The following CAST variants were observed in gnomAD, a reference collection of about 807,000 sequenced individuals.
CAST encodes the protein calpastatin.
A neutral mutation model predicts 119.6 loss-of-function variants in CAST; 76 were observed. The observed-to-expected ratio is 0.64, with a 90% CI of 0.53 to 0.77. CAST has a LOEUF of 0.77. Among genes scored for constraint, CAST ranks in the 30% least tolerant of loss-of-function variants. The pLI, the probability that CAST is intolerant of heterozygous loss-of-function variation, is 0.00. For synonymous variants in CAST, 319 were observed against 331.6 expected (o/e 0.96, Z 0.41); for missense variants, 953 against 946.5 (o/e 1.01, Z -0.09).
chr5:96,636,314 A>G (rs1305134546), intron 1 of CAST, among the ~76,000 whole-genome samples: 1 of 152,198 alleles, frequency 6.6e-6, no homozygotes, highest in African/African-American at 2.4e-5. Flanking sequence ...CACTCGAGGG[A>G]TGGACTCATT....
At chr5:96,564,860 G>A (rs368962346) in intron 1 of CAST, among the ~76,000 whole-genome samples, 246 of 152,284 alleles carry the variant, frequency 1.6e-3, no homozygotes, top group African/African-American at 5.7e-3. Flanking sequence ...AGTGAGCTGT[G>A]ATTGTGCCAC....
chr5:96,009,274 G>A, the CAST span, among the ~76,000 whole-genome samples: 11 of 152,276 alleles, frequency 7.2e-5, no homozygotes, highest in Middle Eastern at 6.8e-3. Flanking sequence ...ATGAACATAA[G>A]AGTGATTGTA....
chr5:96,370,350 A>T, the CAST span, among the ~76,000 whole-genome samples: 1 of 152,084 alleles, frequency 6.6e-6, no homozygotes, highest in South Asian at 2.1e-4. Context: ...TTCTAGGAGT[A>T]AGAGAGACAA....
the CAST span, among the ~76,000 whole-genome samples, chr5:96,366,299 A>G: frequency 6.6e-6 from 1 of 152,136 alleles, no homozygotes; most frequent in Admixed American, 6.5e-5. Flanking sequence ...TCTGACGATT[A>G]TATGTCTTGG....
the CAST span, among the ~76,000 whole-genome samples, chr5:96,249,146 A>G: frequency 6.6e-6 from 1 of 152,262 alleles, no homozygotes; most frequent in African/African-American, 2.4e-5. Context: ...ATAAAATTAC[A>G]TTGAACATGA....
the CAST span, chr5:96,410,941 C>T: frequency 9.9e-6 from 16 of 1,613,914 alleles, no homozygotes; most frequent in African/African-American, 1.3e-5. Flanking sequence ...TGACGCCCCC[C>T]GTTTCCCGAA....
At chr5:96,765,166 GC>G (rs1769406971) in intron 25 of CAST, 54 bp from the exon 26 acceptor site, 2 of 991,644 alleles carry the variant, frequency 2.0e-6, no homozygotes, top group African/African-American at 3.3e-5. Context: ...GGGCTAATTT[GC>G]CTCTGATACA....
chr5:96,561,364 G>A (rs371881021), intron 1 of CAST, among the ~76,000 whole-genome samples: 3 of 149,866 alleles, frequency 2.0e-5, no homozygotes, highest in Non-Finnish European at 4.4e-5. Flanking sequence ...ATAAAAAAAA[G>A]AAAAAAAGGA....
At chr5:95,990,092 T>G in the CAST span, among the ~76,000 whole-genome samples, 647 of 152,266 alleles carry the variant, frequency 4.2e-3, no homozygotes, top group Middle Eastern at 0.01. Flanking sequence ...TTCTAGAGCA[T>G]TCATGTTAAA....
the CAST span, among the ~76,000 whole-genome samples, chr5:96,255,040 T>C: frequency 6.6e-6 from 1 of 152,132 alleles, no homozygotes; most frequent in Non-Finnish European, 1.5e-5. Flanking sequence ...GTTGCAAGCA[T>C]CAAATGATTA....
the CAST span, among the ~76,000 whole-genome samples, chr5:96,218,223 A>G: frequency 2.0e-5 from 3 of 152,282 alleles, no homozygotes; most frequent in Non-Finnish European, 4.4e-5. Context: ...TAAATGCAGT[A>G]TATGTGGTTG....
chr5:96,618,889 G>A (rs892181160), intron 1 of CAST, among the ~76,000 whole-genome samples: 16 of 152,328 alleles, frequency 1.1e-4, no homozygotes, highest in East Asian at 7.7e-4. Flanking sequence ...CCGCAGCCCC[G>A]GCACAGGATC....
the CAST span, among the ~76,000 whole-genome samples, chr5:96,194,094 A>T: frequency 6.6e-6 from 1 of 152,340 alleles, no homozygotes; most frequent in African/African-American, 2.4e-5. Context: ...CATACCTAAA[A>T]GAAAGCATGC....
chr5:96,403,625 A>ATAC, the CAST span, among the ~76,000 whole-genome samples: 4 of 152,234 alleles, frequency 2.6e-5, no homozygotes, highest in African/African-American at 9.6e-5. Context: ...TGTTTACAGA[A>ATAC]AATAAGGGTA....
At chr5:96,542,672 G>C (rs1580817018) in intron 1 of CAST, among the ~76,000 whole-genome samples, 1 of 23,174 alleles carries the variant, frequency 4.3e-5, no homozygotes, top group Non-Finnish European at 9.8e-5. Flanking sequence ...TAATTTTTAA[G>C]AGTTATTTAT....
chr5:96,176,797 G>A, the CAST span, among the ~76,000 whole-genome samples: 1 of 152,116 alleles, frequency 6.6e-6, no homozygotes. Context: ...AATTAGTAGA[G>A]CAGTAAATTG....
the CAST span, among the ~76,000 whole-genome samples, chr5:96,040,422 G>T: frequency 5.9e-5 from 9 of 152,278 alleles, 1 homozygote; most frequent in Middle Eastern, 3.4e-3. Flanking sequence ...GAATAGGAGT[G>T]GTGAGAGAGG....
chr5:96,484,194 A>G, the CAST span, among the ~76,000 whole-genome samples: 1 of 152,086 alleles, frequency 6.6e-6, no homozygotes, highest in Admixed American at 6.5e-5. Context: ...GAATTTCTCT[A>G]AGCCTACTCC....
chr5:96,330,207 C>T, the CAST span, among the ~76,000 whole-genome samples: 1 of 151,994 alleles, frequency 6.6e-6, no homozygotes, highest in Non-Finnish European at 1.5e-5. Context: ...TTTTAAAAAA[C>T]CATTTAAAAA....
Sources: gnomAD v4.1 joint callset for allele counts (sites outside exome capture counted in the v4.1 genomes callset) on GRCh38, gnomAD v4.1.1 for gene constraint, MANE v1.5 for transcripts, NCBI Gene and HGNC (gene_info 2026-07-23, HGNC 2026-07-21) for gene names.